The following HIPK1 variants were observed in gnomAD, a reference collection of about 807,000 sequenced individuals.
HIPK1 encodes homeodomain-interacting protein kinase 1.
In HIPK1, 28 loss-of-function variants were observed where a neutral mutation model predicts 117.1. The observed-to-expected ratio is 0.24, with a 90% CI of 0.18 to 0.33. The LOEUF is 0.33. Among genes scored for constraint, HIPK1 ranks in the 10% least tolerant of loss-of-function variants. The pLI is 1.00. For missense variants in HIPK1, 1,122 were observed against 1,475.1 expected (o/e 0.76, Z 3.92); for synonymous variants, 605 against 562.5 (o/e 1.08, Z -1.07).
chr1:113,963,468 C>T lies in HIPK1; in HGVS notation c.2185C>T (p.Leu729=). ...ACCGCAGTATGCGGTGCCCTTTACTCTGAGCTGCGCAGCCGGCCGGCCGGC... is the reference window on the plus strand; with the variant it reads ...ACCGCAGTATGCGGTGCCCTTTACTTTGAGCTGCGCAGCCGGCCGGCCGGC... The part of the protein sequence containing the change: ...ITPQYAVPFT[L]SCAAGRPALV... The change falls in exon 10 of 16, where the codon CTG becomes TTG. Residue 729 remains leucine (L), a synonymous_variant. Transcript: ENST00000426820. 1 of 1,614,230 alleles carries T rather than the reference C, an allele frequency of 6.2e-7. No homozygotes were observed. The highest frequency in any genetic ancestry group is 8.5e-7 in the Non-Finnish European group (1 of 1,180,036).
At chr1:113,953,158 CTT>C (rs1462970445) in intron 3 of HIPK1, among the ~76,000 whole-genome samples, 1 of 152,096 alleles carries the variant, frequency 6.6e-6, no homozygotes, top group Non-Finnish European at 1.5e-5. Flanking sequence ...TTATTAGAGA[CTT>C]AACTTTCATT....
At chr1:113,931,611 C>T (rs930830205) in intron 1 of HIPK1, among the ~76,000 whole-genome samples, 1 of 152,002 alleles carries the variant, frequency 6.6e-6, no homozygotes, top group African/African-American at 2.4e-5. Flanking sequence ...CTTGAGACTT[C>T]AAACCAAACC....
At chr1:113,948,754 G>A (rs950025833) in intron 2 of HIPK1, among the ~76,000 whole-genome samples, 2 of 151,782 alleles carry the variant, frequency 1.3e-5, no homozygotes, top group Non-Finnish European at 2.9e-5. Context: ...TTAATTAAAT[G>A]GGACTTGGGG....
intron 2 of HIPK1, among the ~76,000 whole-genome samples, chr1:113,942,388 A>G (rs1411678290): frequency 6.6e-6 from 1 of 152,226 alleles, no homozygotes; most frequent in Non-Finnish European, 1.5e-5. Context: ...TGAAATACAC[A>G]AAGATATTTA....
intron 7 of HIPK1, among the ~76,000 whole-genome samples, chr1:113,957,855 G>GT (rs1223023618): frequency 2.8e-3 from 401 of 142,156 alleles, no homozygotes; most frequent in African/African-American, 3.9e-3. Flanking sequence ...AGGACCATTC[G>GT]TTTTTTTTTT....
rs868743404 is a variant in HIPK1, at chr1:113,939,343, G to T, written c.-2-1039G>T. On this transcript the variant is annotated intron_variant, in intron 1 of 15. Coordinates refer to ENST00000426820, the MANE Select transcript of HIPK1 (RefSeq NM_198268.3). Reference sequence around the variant, plus strand: ...TTTTTTTCTGTTTTTTTTTTTTTTTGTTGTTGTTGTTGTTTGTTTGTTTTA... The same window carrying T: ...TTTTTTTCTGTTTTTTTTTTTTTTTTTTGTTGTTGTTGTTTGTTTGTTTTA... Among the ~76,000 whole-genome samples the T allele has an allele frequency of 2.3e-3, 314 of 138,286 alleles. 1 individual carries two copies. Among genetic ancestry groups the T allele is most frequent in the Middle Eastern group, 7.2e-3 (2 of 276 alleles). The allele number at this position is 138,286 out of a possible 152,430, so 90.7% of individuals were successfully genotyped here.
chr1:113,970,737 T>C (rs1371899669), intron 14 of HIPK1, among the ~76,000 whole-genome samples: 3 of 152,326 alleles, frequency 2.0e-5, no homozygotes, highest in African/African-American at 7.2e-5. Context: ...GTTAGTTGGG[T>C]AATAGCAGTT....
intron 2 of HIPK1, among the ~76,000 whole-genome samples, chr1:113,946,698 T>C (rs1238747746): frequency 1.3e-5 from 2 of 152,246 alleles, no homozygotes; most frequent in Non-Finnish European, 2.9e-5. Flanking sequence ...TTCACTGCAA[T>C]ATAGTTGTTG....
intron 9 of HIPK1, among the ~76,000 whole-genome samples, chr1:113,962,841 T>C (rs1672215423): frequency 6.6e-6 from 1 of 152,196 alleles, no homozygotes. Flanking sequence ...TGCTCACTCT[T>C]TTAGAATTTC....
chr1:113,949,562 A>G (rs1671210589), intron 2 of HIPK1, among the ~76,000 whole-genome samples: 1 of 151,838 alleles, frequency 6.6e-6, no homozygotes, highest in Non-Finnish European at 1.5e-5. Context: ...GCCACCTGCA[A>G]CAGGAATATC....
At chr1:113,933,830 ACTGCACT>A (rs1159702060) in intron 1 of HIPK1, among the ~76,000 whole-genome samples, 1 of 152,128 alleles carries the variant, frequency 6.6e-6, no homozygotes, top group African/African-American at 2.4e-5. Context: ...ATGATCGTGT[ACTGCACT>A]CCGGTCTGGG....
Sources: gnomAD v4.1 joint callset for allele counts (sites outside exome capture counted in the v4.1 genomes callset) on GRCh38, gnomAD v4.1.1 for gene constraint, MANE v1.5 for transcripts, NCBI Gene and HGNC (gene_info 2026-07-23, HGNC 2026-07-21) for gene names.